NPSR1: variants seen among roughly 807,000 people sequenced by gnomAD.
NPSR1 encodes neuropeptide S receptor.
Under a neutral mutation model 46.9 loss-of-function variants are expected in NPSR1, and 48 were observed. That is an observed-to-expected ratio of 1.02 (90% confidence interval 0.81 to 1.30). NPSR1 has a LOEUF of 1.30. Ranked by LOEUF, NPSR1 falls within the 50% of genes most tolerant of loss-of-function variation. The pLI is 0.00. For missense variants in NPSR1, 450 were observed against 449.5 expected, an observed-to-expected ratio of 1.00 and a Z score of -0.01; for synonymous variants, 176 against 168.1, an observed-to-expected ratio of 1.05 and a Z score of -0.36.
intron 1 of NPSR1, among the ~76,000 whole-genome samples, chr7:34,666,741 A>G (rs1008762531): frequency 6.6e-6 from 1 of 152,202 alleles, no homozygotes; most frequent in Non-Finnish European, 1.5e-5. Flanking sequence ...CATGGCCCCC[A>G]GAGAGTCAAG....
At chr7:34,742,474 C>T (rs577016653) in intron 2 of NPSR1, among the ~76,000 whole-genome samples, 1 of 152,306 alleles carries the variant, frequency 6.6e-6, no homozygotes, top group Non-Finnish European at 1.5e-5. Context: ...CCAGCTTCAT[C>T]CATGTTCCCA....
At chr7:34,678,299 G>C (rs1792430064) in intron 1 of NPSR1, among the ~76,000 whole-genome samples, 1 of 137,576 alleles carries the variant, frequency 7.3e-6, no homozygotes, top group Non-Finnish European at 1.5e-5. Flanking sequence ...TCAGCTCACT[G>C]CAACCTCCGC....
intron 3 of NPSR1, among the ~76,000 whole-genome samples, chr7:34,810,366 A>G (rs1417469299): frequency 6.6e-6 from 1 of 152,254 alleles, no homozygotes; most frequent in Non-Finnish European, 1.5e-5. Context: ...TGCTCTTCAC[A>G]TAAGAGAAAT....
rs1370376462 is a variant in NPSR1 at position 34,791,242 on chromosome 7, T to TGTTATATGTTATATATTATATGTTATAA, written c.384+12685_384+12712dup. 5.9e-4 allele frequency among the ~76,000 whole-genome samples: 78 copies of TGTTATATGTTATATATTATATGTTATAA among 132,956 alleles called. 1 individual carries two copies. The highest frequency in any genetic ancestry group is 1.1e-3 in the Admixed American group (13 of 12,372). The allele number at this position is 132,956 out of a possible 152,430, so 87.2% of individuals were successfully genotyped here. On this transcript the variant is annotated intron_variant, in intron 3 of 8. Coordinates refer to ENST00000360581, the MANE Select transcript of NPSR1 (RefSeq NM_207172.2). Reference sequence around the variant, plus strand: ...TATATGTTATATATTATATTATATATGTTATATGTTATATATTATATGTTA... The same window carrying TGTTATATGTTATATATTATATGTTATAA: ...TATATGTTATATATTATATTATATATGTTATATGTTATATATTATATGTTATAAGTTATATGTTATATATTATATGTTA...
chr7:34,826,733 G>A (rs991108748), intron 4 of NPSR1, among the ~76,000 whole-genome samples: 1 of 152,156 alleles, frequency 6.6e-6, no homozygotes, highest in Non-Finnish European at 1.5e-5. Context: ...ATGAGGCTGA[G>A]ACTGCATGGT....
chr7:34,856,498 G>A (rs1430520768), intron 8 of NPSR1, among the ~76,000 whole-genome samples: 1 of 151,726 alleles, frequency 6.6e-6, no homozygotes, highest in Non-Finnish European at 1.5e-5. Context: ...GAAAATCGGA[G>A]TGATTGGCCA....
intron 1 of NPSR1, among the ~76,000 whole-genome samples, chr7:34,672,471 G>A (rs931393628): frequency 2.0e-5 from 3 of 152,218 alleles, no homozygotes; most frequent in East Asian, 1.9e-4. Flanking sequence ...AGTAACGCAA[G>A]TGCAGTCCCA....
At chr7:34,754,974 G>T (rs1046866040) in intron 2 of NPSR1, among the ~76,000 whole-genome samples, 7 of 94,270 alleles carry the variant, frequency 7.4e-5, no homozygotes, top group African/African-American at 2.7e-4. Flanking sequence ...ATTTTTTATG[G>T]CTAAATAATA....
intron 2 of NPSR1, among the ~76,000 whole-genome samples, chr7:34,742,924 T>A (rs1785021778): frequency 6.6e-6 from 1 of 152,248 alleles, no homozygotes; most frequent in South Asian, 2.1e-4. Flanking sequence ...TGAGCTTTAT[T>A]TCATGTGCTT....
At chr7:34,811,739 G>A in intron 3 of NPSR1, 31 bp from the exon 4 acceptor site, 1 of 1,510,054 alleles carries the variant, frequency 6.6e-7, no homozygotes, top group Non-Finnish European at 9.1e-7. Context: ...CCTCTCTGAA[G>A]TCATAAGCTT....
intron 7 of NPSR1, chr7:34,845,665 G>A (rs1043941595): frequency 2.5e-5 from 11 of 441,206 alleles, no homozygotes; most frequent in African/African-American, 2.3e-4. Context: ...TCACACTACA[G>A]GATATAGATT....
chr7:34,753,239 A>G (rs931430857), intron 2 of NPSR1, among the ~76,000 whole-genome samples: 10 of 152,236 alleles, frequency 6.6e-5, no homozygotes, highest in African/African-American at 2.4e-4. Context: ...TGCCAAAAGT[A>G]GAAAGATCAG....
intron 2 of NPSR1, among the ~76,000 whole-genome samples, chr7:34,724,639 T>C (rs1021140465): frequency 6.6e-6 from 1 of 152,204 alleles, no homozygotes; most frequent in Non-Finnish European, 1.5e-5. Context: ...CTGCACATAG[T>C]GGTGAAGAGC....
intron 8 of NPSR1, among the ~76,000 whole-genome samples, chr7:34,876,024 G>A (rs969369757): frequency 3.3e-5 from 5 of 152,156 alleles, no homozygotes; most frequent in Non-Finnish European, 7.3e-5. Flanking sequence ...GAAAAGGGTG[G>A]AAAGCTACAG....
chr7:34,826,629 G>T (rs958105278), intron 4 of NPSR1, among the ~76,000 whole-genome samples: 1 of 152,156 alleles, frequency 6.6e-6, no homozygotes, highest in African/African-American at 2.4e-5. Flanking sequence ...TATTTTAAAG[G>T]TACTTGCTTA....
intron 2 of NPSR1, among the ~76,000 whole-genome samples, chr7:34,775,034 T>C (rs756397771): frequency 6.6e-6 from 1 of 152,170 alleles, no homozygotes; most frequent in Non-Finnish European, 1.5e-5. Flanking sequence ...ACTTTACCGA[T>C]GTGGCATGTT....
At chr7:34,748,838 T>G (rs1002454532) in intron 2 of NPSR1, among the ~76,000 whole-genome samples, 5 of 151,980 alleles carry the variant, frequency 3.3e-5, no homozygotes, top group Admixed American at 6.6e-5. Context: ...TAGACACTTA[T>G]GTCTGGGAGG....
At chr7:34,872,769 A>T (rs1791488381) in intron 8 of NPSR1, among the ~76,000 whole-genome samples, 2 of 151,684 alleles carry the variant, frequency 1.3e-5, no homozygotes, top group African/African-American at 4.9e-5. Flanking sequence ...CAGCACAGGA[A>T]ATACTTCCCC....
intron 2 of NPSR1, among the ~76,000 whole-genome samples, chr7:34,774,205 C>T (rs1416469196): frequency 6.6e-6 from 1 of 152,186 alleles, no homozygotes; most frequent in Non-Finnish European, 1.5e-5. Flanking sequence ...TTTTGCTTTA[C>T]AGCTACTTAA....
Sources: allele counts gnomAD v4.1 joint callset (sites outside exome capture counted in the v4.1 genomes callset), GRCh38; gene constraint gnomAD v4.1.1; transcripts MANE v1.5; gene names NCBI Gene and HGNC (gene_info 2026-07-23, HGNC 2026-07-21).